MACROD2: variants seen among roughly 807,000 people sequenced by gnomAD.
MACROD2 encodes the protein mono-ADP ribosylhydrolase 2.
A neutral mutation model predicts 70.4 loss-of-function variants in MACROD2; 36 were observed. The ratio of observed to expected loss-of-function variants is 0.51; its 90% CI spans 0.39 to 0.68. MACROD2 has a LOEUF of 0.68. Among genes scored for constraint, MACROD2 ranks in the 30% least tolerant of loss-of-function variants. The probability of loss-of-function intolerance (pLI) is 0.00; values close to 1 mark genes in which losing one functional copy is unlikely to be tolerated. For missense variants in MACROD2, 496 were observed against 538.4 expected (o/e 0.92, Z 0.78); for synonymous variants, 172 against 178.8 (o/e 0.96, Z 0.30).
At chr20:14,318,882 G>T (rs983571193) in intron 3 of MACROD2, among the ~76,000 whole-genome samples, 24 of 152,198 alleles carry the variant, frequency 1.6e-4, no homozygotes, top group African/African-American at 5.5e-4. Flanking sequence ...CCATGTGATT[G>T]GCATTTTTCT....
At chr20:15,733,905 T>C (rs1240961627) in intron 8 of MACROD2, among the ~76,000 whole-genome samples, 1 of 152,170 alleles carries the variant, frequency 6.6e-6, no homozygotes, top group Non-Finnish European at 1.5e-5. Context: ...GCCATTGAGA[T>C]CATTAGGATG....
chr20:14,343,253 A>C (rs963625695), intron 3 of MACROD2, among the ~76,000 whole-genome samples: 1 of 150,154 alleles, frequency 6.7e-6, no homozygotes, highest in African/African-American at 2.4e-5. Context: ...AAAAAAAAAG[A>C]CTTAAAATGA....
chr20:14,536,241 A>G (rs2123220085), intron 4 of MACROD2, among the ~76,000 whole-genome samples: 1 of 152,314 alleles, frequency 6.6e-6, no homozygotes, highest in South Asian at 2.1e-4. Context: ...TGTGACAATT[A>G]TTCTTTAAAA....
chr20:15,635,680 A>C (rs1016527557), intron 8 of MACROD2, among the ~76,000 whole-genome samples: 2 of 152,180 alleles, frequency 1.3e-5, no homozygotes. Context: ...AAGCCTCAGC[A>C]TCCTGCAATA....
At chr20:15,490,162 C>CCTTCCTTCCTTG (rs1247755042) in intron 7 of MACROD2, among the ~76,000 whole-genome samples, 1 of 150,906 alleles carries the variant, frequency 6.6e-6, no homozygotes, top group Non-Finnish European at 1.5e-5. Flanking sequence ...TTCCTTCCTT[C>CCTTCCTTCCTTG]CTTCCTCCTT....
intron 15 of MACROD2, among the ~76,000 whole-genome samples, chr20:16,034,726 T>C (rs913471570): frequency 3.3e-5 from 5 of 151,880 alleles, no homozygotes; most frequent in Non-Finnish European, 7.4e-5. Context: ...GTAAGTTCTT[T>C]AGTGGTGATT....
At chr20:15,302,214 A>T (rs1194898952) in intron 6 of MACROD2, among the ~76,000 whole-genome samples, 2 of 152,104 alleles carry the variant, frequency 1.3e-5, no homozygotes, top group Admixed American at 6.6e-5. Flanking sequence ...GCTCCATTTA[A>T]TGTCTTTCTG....
rs59052053 is a variant in MACROD2 at position 14,071,252 on chromosome 20, G to GTTTTTTTTTTTTTTTTTTTTT, written c.164-14363_164-14343dup. Among the ~76,000 whole-genome samples the GTTTTTTTTTTTTTTTTTTTTT allele has an allele frequency of 3.3e-4, 21 of 63,952 alleles. 5 individuals carry two copies. Among genetic ancestry groups the GTTTTTTTTTTTTTTTTTTTTT allele is most frequent in the African/African-American group, 1.1e-3 (18 of 15,796 alleles). The allele number at this position is 63,952 out of a possible 152,430, so 42.0% of individuals were successfully genotyped here. A position where few individuals can be genotyped will look rare whatever the true frequency, so the allele number is the denominator to read the frequency against. On this transcript the variant is annotated intron_variant, in intron 2 of 17. Coordinates refer to ENST00000684519, the MANE Select transcript of MACROD2 (RefSeq NM_001351661.2). The stretch of plus-strand genomic sequence containing the variant: ...GACAGTATTGGCCATTTCATCTTGT[G>GTTTTTTTTTTTTTTTTTTTTT]TTTTTTTTTTTTTTTTTTTTTTTTT...
chr20:14,478,299 G>T lies in MACROD2; in HGVS notation c.272-15180G>T, dbSNP rs1297941225. ...AGAGGACCAAGACTCATATCCCCAAGATATTGGATATGAGCCACCCAGGGA... is the reference window on the plus strand; with the variant it reads ...AGAGGACCAAGACTCATATCCCCAATATATTGGATATGAGCCACCCAGGGA... On this transcript the variant is annotated intron_variant, in intron 3 of 17. Transcript: ENST00000684519. Among the ~76,000 whole-genome samples the T allele has an allele frequency of 2.0e-5, 3 of 152,104 alleles. No individual in the cohort carries two copies. In the East Asian group the frequency reaches 5.8e-4, roughly 29 times the overall value.
chr20:14,861,649 A>G (rs2073318836), intron 5 of MACROD2, among the ~76,000 whole-genome samples: 1 of 151,734 alleles, frequency 6.6e-6, no homozygotes, highest in Non-Finnish European at 1.5e-5. Flanking sequence ...AATAAACCCC[A>G]CAAACAGCCT....
At chr20:14,777,446 A>G (rs779258815) in intron 5 of MACROD2, among the ~76,000 whole-genome samples, 4 of 152,042 alleles carry the variant, frequency 2.6e-5, no homozygotes, top group Non-Finnish European at 5.9e-5. Context: ...GAGGCTGGAA[A>G]GCTATCAGAA....
intron 3 of MACROD2, among the ~76,000 whole-genome samples, chr20:14,140,699 A>G (rs2054859814): frequency 6.6e-6 from 1 of 152,092 alleles, no homozygotes; most frequent in South Asian, 2.1e-4. Flanking sequence ...ATGACTTCCA[A>G]CCAACACCTG....
At position 15,625,335 on chromosome 20, in the gene MACROD2, A is replaced by C. The variant is rs463243; in HGVS notation, c.645+125488A>C. ...GACTGTGGAAGGCCATTAATGTGACATGCTCTGTGGTATTCAGATACCTTG... is the reference window on the plus strand; with the variant it reads ...GACTGTGGAAGGCCATTAATGTGACCTGCTCTGTGGTATTCAGATACCTTG... On this transcript the variant is annotated intron_variant, in intron 8 of 17. Coordinates refer to ENST00000684519, the MANE Select transcript of MACROD2 (RefSeq NM_001351661.2). 9.6e-3 allele frequency among the ~76,000 whole-genome samples: 1,468 copies of C among 152,318 alleles called. 15 individuals are homozygous for C. The highest frequency in any genetic ancestry group is 0.027 in the Middle Eastern group (8 of 294).
intron 7 of MACROD2, among the ~76,000 whole-genome samples, chr20:15,476,146 A>G (rs187085750): frequency 6.6e-6 from 1 of 152,326 alleles, no homozygotes; most frequent in African/African-American, 2.4e-5. Context: ...GCACTTCACA[A>G]TGTTATACTT....
intron 3 of MACROD2, among the ~76,000 whole-genome samples, chr20:14,205,592 T>C (rs544092710): frequency 6.6e-6 from 1 of 152,282 alleles, no homozygotes; most frequent in South Asian, 2.1e-4. Flanking sequence ...ACTGTGCTTG[T>C]GTTAAGGGAC....
intron 5 of MACROD2, among the ~76,000 whole-genome samples, chr20:14,757,159 G>T (rs2071952050): frequency 6.6e-6 from 1 of 152,120 alleles, no homozygotes. Context: ...AAGGTGTCTT[G>T]TAGAGTTTTG....
intron 5 of MACROD2, among the ~76,000 whole-genome samples, chr20:14,875,377 A>G (rs914130299): frequency 6.6e-6 from 1 of 152,068 alleles, no homozygotes; most frequent in African/African-American, 2.4e-5. Context: ...GGACAGAGTG[A>G]GACTCTGTCT....
At chr20:16,002,020 T>G (rs2066715542) in intron 15 of MACROD2, among the ~76,000 whole-genome samples, 1 of 150,480 alleles carries the variant, frequency 6.6e-6, no homozygotes, top group African/African-American at 2.4e-5. Flanking sequence ...AAGATAAATA[T>G]AGTTATATAA....
intron 4 of MACROD2, among the ~76,000 whole-genome samples, chr20:14,608,344 C>T (rs970797361): frequency 5.3e-5 from 8 of 152,128 alleles, no homozygotes; most frequent in Admixed American, 3.9e-4. Context: ...GAGTAATCTG[C>T]ACTTTTATTT....
Sources: allele counts gnomAD v4.1 joint callset (sites outside exome capture counted in the v4.1 genomes callset), GRCh38; gene constraint gnomAD v4.1.1; transcripts MANE v1.5; gene names NCBI Gene and HGNC (gene_info 2026-07-23, HGNC 2026-07-21).